The following KMO variants were observed in gnomAD, a reference collection of about 807,000 sequenced individuals.
KMO encodes the protein kynurenine 3-monooxygenase.
A neutral mutation model predicts 57.8 loss-of-function variants in KMO; 24 were observed. The ratio of observed to expected loss-of-function variants is 0.42; its 90% CI spans 0.30 to 0.58. The LOEUF (loss-of-function observed/expected upper bound fraction) is 0.58, where lower values mean the gene tolerates loss of function less well. KMO is among the 20% of genes least tolerant of loss of function. KMO has a pLI of 0.22. For missense variants in KMO, 483 were observed against 588.2 expected (o/e 0.82, Z 1.85); for synonymous variants, 210 against 193.6 (o/e 1.08, Z -0.70).
chr1:241,539,383 C>CAAAAAAAAAAAAAAAAAAAAAAAAAA (rs769776691), intron 1 of KMO, among the ~76,000 whole-genome samples: 2 of 134,880 alleles, frequency 1.5e-5, no homozygotes, highest in Admixed American at 7.4e-5. Flanking sequence ...GACTCCGTCT[C>CAAAAAAAAAAAAAAAAAAAAAAAAAA]AAAAAAATTC....
intron 10 of KMO, among the ~76,000 whole-genome samples, chr1:241,577,695 A>G (rs954228232): frequency 6.6e-6 from 1 of 152,052 alleles, no homozygotes; most frequent in Non-Finnish European, 1.5e-5. Flanking sequence ...TTTCCCCAGT[A>G]TTTTATTTAC....
In KMO at chr1:241,567,922, T is replaced by G. The variant is rs143319293; in HGVS notation, c.810-578T>G. 1.5e-3 allele frequency among the ~76,000 whole-genome samples: 222 copies of G among 152,320 alleles called. 1 individual carries two copies. The highest frequency in any genetic ancestry group is 3.4e-3 in the Middle Eastern group (1 of 294). On this transcript the variant is annotated intron_variant, in intron 9 of 14. Coordinates refer to ENST00000366559, the MANE Select transcript of KMO (RefSeq NM_003679.5). ...CTTCCTCAACTCTTCTACAGATGCT[T>G]TACAAATATTAGGGTTTTTGTTTGT...
chr1:241,562,400 G>C, intron 7 of KMO, 68 bp downstream of exon 7: 2 of 1,473,428 alleles, frequency 1.4e-6, no homozygotes, highest in Non-Finnish European at 1.9e-6. Context: ...GCGTATTCTA[G>C]TGCAGTGGTT....
At chr1:241,577,930 A>G (rs1008375370) in intron 10 of KMO, among the ~76,000 whole-genome samples, 1 of 152,136 alleles carries the variant, frequency 6.6e-6, no homozygotes, top group Non-Finnish European at 1.5e-5. Context: ...TGCCAGGCCA[A>G]CTGGAAAGTG....
chr1:241,576,100 C>T (rs1361304499), intron 10 of KMO, among the ~76,000 whole-genome samples: 1 of 151,078 alleles, frequency 6.6e-6, no homozygotes, highest in Non-Finnish European at 1.5e-5. Flanking sequence ...TTTCAGTTTC[C>T]ATTTGCATGG....
intron 1 of KMO, among the ~76,000 whole-genome samples, chr1:241,543,522 G>A (rs777911924): frequency 2.6e-5 from 4 of 151,824 alleles, no homozygotes; most frequent in Admixed American, 6.6e-5. Flanking sequence ...ATAGTCATTC[G>A]GGCTATTCCC....
chr1:241,539,148 C>T (rs1180481945), intron 1 of KMO, among the ~76,000 whole-genome samples: 1 of 151,994 alleles, frequency 6.6e-6, no homozygotes, highest in African/African-American at 2.4e-5. Flanking sequence ...TTTGGGAGTC[C>T]GAGGTGGGTG....
intron 1 of KMO, among the ~76,000 whole-genome samples, chr1:241,535,267 C>A (rs1383464932): frequency 1.3e-5 from 2 of 151,708 alleles, no homozygotes; most frequent in Middle Eastern, 3.2e-3. Context: ...TTTTTCCACC[C>A]TCCCTTCCTA....
chr1:241,532,541 T>C, intron 1 of KMO, 43 bp downstream of exon 1: 1 of 1,372,898 alleles, frequency 7.3e-7, no homozygotes, highest in South Asian at 1.3e-5. Context: ...TGGTATTATA[T>C]TAACTATTAT....
rs572959332 is a variant in KMO, at chr1:241,564,816, G to C, written c.616-171G>C. On this transcript the variant is annotated intron_variant, in intron 7 of 14. Transcript: ENST00000366559. The stretch of plus-strand genomic sequence containing the variant: ...ACCTAAGGTTGAGTTTATAAAGACA[G>C]AACACAAAGTGTTTTCTAAGACAAC... Among the ~76,000 whole-genome samples the C allele has an allele frequency of 3.9e-5, 6 of 152,230 alleles. No individual in the cohort carries two copies. In the East Asian group the frequency reaches 1.2e-3, roughly 29 times the overall value.
intron 10 of KMO, among the ~76,000 whole-genome samples, chr1:241,575,159 A>C (rs1182483540): frequency 2.6e-5 from 4 of 151,844 alleles, no homozygotes; most frequent in South Asian, 4.1e-4. Context: ...CTTCTCTTAT[A>C]TTTTCTTGGT....
intron 10 of KMO, among the ~76,000 whole-genome samples, chr1:241,585,295 T>G (rs1297508798): frequency 6.6e-6 from 1 of 152,078 alleles, no homozygotes; most frequent in Non-Finnish European, 1.5e-5. Context: ...CTCAGAGAGT[T>G]GTGAAGAGTA....
intron 5 of KMO, among the ~76,000 whole-genome samples, chr1:241,559,995 G>A (rs1393748008): frequency 6.6e-6 from 1 of 152,160 alleles, no homozygotes; most frequent in East Asian, 1.9e-4. Flanking sequence ...ATGAATACAT[G>A]AGCATTAATA....
chr1:241,592,496 C>A lies in KMO; in HGVS notation c.*343C>A. 3.7e-6 allele frequency: 1 copy of A among 270,386 alleles called. No individual in the cohort carries two copies. The highest frequency in any genetic ancestry group is 4.4e-5 in the South Asian group (1 of 22,686). The allele number at this position is 270,386 out of a possible 1,614,324, so 16.7% of individuals were successfully genotyped here. A position where few individuals can be genotyped will look rare whatever the true frequency, so the allele number is the denominator to read the frequency against. On this transcript the variant is annotated 3_prime_UTR_variant, in exon 15 of 15. Coordinates refer to ENST00000366559, the MANE Select transcript of KMO (RefSeq NM_003679.5). ...TTTCTTTAAAAGACACAATAGGACT[C>A]GCAACAGCATTGACTCAACACCTAG...
intron 1 of KMO, among the ~76,000 whole-genome samples, chr1:241,535,301 T>C (rs1660719496): frequency 6.6e-6 from 1 of 151,932 alleles, no homozygotes; most frequent in African/African-American, 2.4e-5. Context: ...ATAAACCATA[T>C]CCCAGTACCT....
chr1:241,570,536 CTT>C (rs1202458571), intron 10 of KMO, among the ~76,000 whole-genome samples: 2 of 152,068 alleles, frequency 1.3e-5, no homozygotes, highest in African/African-American at 2.4e-5. Context: ...AAGAGACTGT[CTT>C]TTCCCCAATG....
chr1:241,562,419 C>T, intron 7 of KMO, 87 bp downstream of exon 7: 1 of 1,334,370 alleles, frequency 7.5e-7, no homozygotes, highest in Non-Finnish European at 1.1e-6. Context: ...TTCTCAGCAG[C>T]ATGTCTTGAT....
At position 241,594,152 on chromosome 1, in the gene KMO, G is replaced by A; in HGVS notation, c.*1999G>A. The A allele has an allele frequency of 2.8e-6, 1 of 353,118 alleles. No individual in the cohort carries two copies. The highest frequency in any genetic ancestry group is 5.1e-6 in the Non-Finnish European group (1 of 197,542). 21.9% of individuals were successfully genotyped at this position (353,118 alleles called of 1,614,324 possible). A position where few individuals can be genotyped will look rare whatever the true frequency, so the allele number is the denominator to read the frequency against. On this transcript the variant is annotated 3_prime_UTR_variant, in exon 15 of 15. Coordinates refer to ENST00000366559, the MANE Select transcript of KMO (RefSeq NM_003679.5). The stretch of plus-strand genomic sequence containing the variant: ...GTAATTTAAAAAATATATTTGAAAT[G>A]AAAATCTCCAACACATTAGAAGATG...
Position 241,593,236 on chromosome 1 carries a change from T to C in KMO, c.*1083T>C, listed in dbSNP as rs984796134. On this transcript the variant is annotated 3_prime_UTR_variant, in exon 15 of 15. Transcript: ENST00000366559. ...AATACAAAGCCATTACTTTATTCAA[T>C]TTCAGACCCTCAGAAGCAATTTACT... The C allele has an allele frequency of 5.3e-5, 15 of 285,256 alleles. No homozygotes were observed. The highest frequency in any genetic ancestry group is 8.1e-4 in the Middle Eastern group (1 of 1,234). The allele number at this position is 285,256 out of a possible 1,614,324, so 17.7% of individuals were successfully genotyped here. A position where few individuals can be genotyped will look rare whatever the true frequency, so the allele number is the denominator to read the frequency against.
Sources: gnomAD v4.1 joint callset for allele counts (sites outside exome capture counted in the v4.1 genomes callset) on GRCh38, gnomAD v4.1.1 for gene constraint, MANE v1.5 for transcripts, NCBI Gene and HGNC (gene_info 2026-07-23, HGNC 2026-07-21) for gene names.